Variants in PDLIM2 observed in about 807,000 individuals in gnomAD.
PDLIM2 encodes PDZ and LIM domain 2.
Under a neutral mutation model 54.1 loss-of-function variants are expected in PDLIM2, and 51 were observed. The observed-to-expected ratio is 0.94, with a 90% CI of 0.75 to 1.19. The LOEUF (loss-of-function observed/expected upper bound fraction) is 1.19, where lower values mean the gene tolerates loss of function less well. Ranked by LOEUF, PDLIM2 falls within the 50% of genes most tolerant of loss-of-function variation. PDLIM2 has a pLI of 0.00. For synonymous variants in PDLIM2, 398 were observed against 385.6 expected (o/e 1.03, Z -0.38); for missense variants, 912 against 874.0 (o/e 1.04, Z -0.55).
chr8:22,589,914 G>T, intron 8 of PDLIM2, 173 bp downstream of exon 7: 1 of 360,310 alleles, frequency 2.8e-6, no homozygotes, highest in Admixed American at 6.5e-5. Flanking sequence ...AGGAGCTGAC[G>T]GTCCGGGAGG....
In PDLIM2 at chr8:22,579,206, A is replaced by ACAGGTGAGCGGCAGC. The variant is rs1405067387; in HGVS notation, c.438_452dup (p.Gln147_Arg151dup). The ACAGGTGAGCGGCAGC allele has an allele frequency of 4.3e-6, 6 of 1,386,692 alleles. No homozygotes were observed. The African/African-American group carries it at 4.5e-5, about 11-fold the overall frequency. 85.9% of individuals were successfully genotyped at this position (1,386,692 alleles called of 1,614,324 possible). On this transcript the variant is annotated inframe_insertion, in exon 1 of 10. Coordinates refer to ENST00000308354, the Ensembl canonical transcript of PDLIM2. ...CTCCCGGGCCTGGGCGCCCAGCCGG[A>ACAGGTGAGCGGCAGC]CAGGTGAGCGGCAGCCAGGTGAGCG...
At chr8:22,593,944 G>A in exon 10 of PDLIM2, 1 of 1,541,378 alleles carries the variant, frequency 6.5e-7, no homozygotes. Context: ...TCACTGCTGG[G>A]CCAGGGTCAT....
At chr8:22,596,857 G>A (rs1800693881), downstream of PDLIM2, 1 of 152,220 alleles carries the variant, frequency 6.6e-6, no homozygotes, top group African/African-American at 2.4e-5. Context: ...CTGCAGACGA[G>A]GAAACCGAGG....
exon 3 of PDLIM2, chr8:22,581,501 C>A (rs1800204764): frequency 1.3e-6 from 2 of 1,595,670 alleles, no homozygotes; most frequent in Admixed American, 3.4e-5. Flanking sequence ...TCCGCCAGAG[C>A]CCCTCGCCCC....
chr8:22,580,905 C>A (rs1328710368), intron 2 of PDLIM2: 3 of 715,220 alleles, frequency 4.2e-6, no homozygotes, highest in Non-Finnish European at 7.7e-6. Flanking sequence ...TGAAAGGGAG[C>A]TGGGACCAGG....
At chr8:22,579,272 G>T (rs1167296074) in exon 1 of PDLIM2, 15 of 1,366,504 alleles carry the variant, frequency 1.1e-5, no homozygotes, top group Non-Finnish European at 1.2e-5. Context: ...CCTCCCCGGC[G>T]CCGGGCTCCT....
intron 3 of PDLIM2, among the ~76,000 whole-genome samples, chr8:22,584,151 G>A (rs569783973): frequency 2.5e-4 from 37 of 150,306 alleles, no homozygotes; most frequent in Admixed American, 2.1e-3. Flanking sequence ...ACAGGCATGC[G>A]TCACTATGGC....
chr8:22,589,065 A>G (rs1344752742), intron 6 of PDLIM2: 1 of 582,590 alleles, frequency 1.7e-6, no homozygotes. Flanking sequence ...CCCTCTCTGG[A>G]CCCTGGCAGT....
chr8:22,580,900 G>C (rs776016879), intron 2 of PDLIM2: 3 of 720,812 alleles, frequency 4.2e-6, no homozygotes, highest in Non-Finnish European at 7.6e-6. Context: ...GGGAGTGAAA[G>C]GGAGCTGGGA....
exon 1 of PDLIM2, chr8:22,579,385 C>T: frequency 4.7e-6 from 7 of 1,501,188 alleles, no homozygotes; most frequent in Non-Finnish European, 5.3e-6. Flanking sequence ...TCTCCCCGGC[C>T]GGAGCGCTCC....
chr8:22,593,866 CG>C lies in PDLIM2; in HGVS notation c.1766del (p.Arg589ProfsTer47), dbSNP rs1563879192. ...CGAGCTGTACTGTGAGAAGCATGCC[CG>C]CCAGCGCTACTCCGCACCTGCCACC... On this transcript the variant is annotated frameshift_variant, in exon 10 of 10. Coordinates refer to ENST00000308354, the Ensembl canonical transcript of PDLIM2. LOFTEE classifies it high-confidence loss of function. The C allele has an allele frequency of 6.4e-7, 1 of 1,557,794 alleles. No homozygotes were observed. Among genetic ancestry groups the C allele is most frequent in the Non-Finnish European group, 8.7e-7 (1 of 1,150,916 alleles).
chr8:22,581,051 G>A, intron 2 of PDLIM2: 1 of 663,204 alleles, frequency 1.5e-6, no homozygotes, highest in Non-Finnish European at 2.9e-6. Context: ...ACATTCACAG[G>A]AGGGCTGTGC....
At chr8:22,586,544 T>G (rs1218792166) in intron 6 of PDLIM2, among the ~76,000 whole-genome samples, 1 of 151,848 alleles carries the variant, frequency 6.6e-6, no homozygotes, top group Non-Finnish European at 1.5e-5. Context: ...AGGCCCGACA[T>G]GCTGGGAGAT....
chr8:22,585,098 G>C (rs142634570), exon 5 of PDLIM2: 3 of 1,613,908 alleles, frequency 1.9e-6, no homozygotes, highest in Admixed American at 1.7e-5. Context: ...CCCGAGGGCC[G>C]GCAGCCCCTT....
In PDLIM2 at chr8:22,585,412, G is replaced by T. The variant is rs754493536; in HGVS notation, c.1290+13G>T. 5 of 1,601,588 alleles carry T rather than the reference G, an allele frequency of 3.1e-6. No individual in the cohort carries two copies. The highest frequency in any genetic ancestry group is 3.4e-5 in the Admixed American group (2 of 58,784). On this transcript the variant is annotated intron_variant, in intron 6 of 9. Coordinates refer to ENST00000308354, the Ensembl canonical transcript of PDLIM2. ...TGGAAGCCGACAGGTGAGGCTCCCT[G>T]GGGGAGGACAGGCTGGAGGAACAGA...
rs937778929 is a variant in PDLIM2 at position 22,579,068 on chromosome 8, A to C, written c.289A>C (p.Arg97=). ...GGCTTCTCGGGCTAGGGGCGGCGGC[A>C]GGGGCGGCCCCGGGATCACATGGGC... Residue 97 remains arginine, a synonymous_variant, in exon 1 of 10, where the codon AGG becomes CGG. Coordinates refer to ENST00000308354, the Ensembl canonical transcript of PDLIM2. 106 of 1,249,502 alleles carry C rather than the reference A, an allele frequency of 8.5e-5. No individual in the cohort carries two copies. In the African/African-American group the frequency reaches 1.5e-3, roughly 17 times the overall value. The allele number at this position is 1,249,502 out of a possible 1,614,324, so 77.4% of individuals were successfully genotyped here. A position where few individuals can be genotyped will look rare whatever the true frequency, so the allele number is the denominator to read the frequency against.
At chr8:22,589,439 G>C in intron 7 of PDLIM2, 65 bp downstream of exon 6, 1 of 1,528,758 alleles carries the variant, frequency 6.5e-7, no homozygotes, top group Non-Finnish European at 8.8e-7. Flanking sequence ...GGAGGGAGAC[G>C]GGCTTCCCCG....
chr8:22,589,322 TCGG>T (rs1800466240), exon 7 of PDLIM2: 1 of 1,534,136 alleles, frequency 6.5e-7, no homozygotes, highest in African/African-American at 1.4e-5. Context: ...CGCTGGCGAC[TCGG>T]CGGTGCTGGT....
At chr8:22,581,634 A>C in intron 3 of PDLIM2, 104 bp downstream of exon 2, 1 of 1,422,890 alleles carries the variant, frequency 7.0e-7, no homozygotes, top group South Asian at 1.4e-5. Flanking sequence ...TCAGCCCTAA[A>C]GCGGCCTTCT....
Sources: allele counts gnomAD v4.1 joint callset (sites outside exome capture counted in the v4.1 genomes callset), GRCh38; gene constraint gnomAD v4.1.1; transcripts MANE v1.5; gene names NCBI Gene and HGNC (gene_info 2026-07-23, HGNC 2026-07-21).